Variants in RALGPS2 observed in about 807,000 individuals in gnomAD.
RALGPS2 encodes the protein Ral GEF with PH domain and SH3 binding motif 2, also known as ras-specific guanine nucleotide-releasing factor RalGPS2.
A neutral mutation model predicts 86.8 loss-of-function variants in RALGPS2; 43 were observed. The ratio of observed to expected loss-of-function variants is 0.50; its 90% CI spans 0.39 to 0.64. The LOEUF is 0.64. Among genes scored for constraint, RALGPS2 ranks in the 30% least tolerant of loss-of-function variants. RALGPS2 has a pLI of 0.00. For missense variants in RALGPS2, 536 were observed against 694.6 expected, an observed-to-expected ratio of 0.77 and a Z score of 2.57; for synonymous variants, 243 against 231.3, an observed-to-expected ratio of 1.05 and a Z score of -0.46.
intron 11 of RALGPS2, among the ~76,000 whole-genome samples, chr1:178,883,935 G>C (rs1266723255): frequency 6.6e-6 from 1 of 151,930 alleles, no homozygotes. Context: ...CTTGCAATGA[G>C]CCGAGATCGT....
At chr1:178,897,593 C>A in intron 16 of RALGPS2, 71 bp from the exon 17 acceptor site, 1 of 1,246,370 alleles carries the variant, frequency 8.0e-7, no homozygotes, top group Non-Finnish European at 1.2e-6. Context: ...TGATCATTGG[C>A]ACTTAGAATG....
Position 178,777,423 on chromosome 1 carries a change from C to T in RALGPS2, c.57+602C>T, listed in dbSNP as rs1343427288. The stretch of plus-strand genomic sequence containing the variant: ...CAAACAAATGGAAGAACATTCCATG[C>T]TCATGGGTAGGAAGAATCAATATGG... On this transcript the variant is annotated intron_variant, in intron 2 of 19. Transcript: ENST00000367635. Among the ~76,000 whole-genome samples, 728 of 151,956 alleles carry T rather than the reference C, an allele frequency of 4.8e-3. 3 individuals carry two copies. Among genetic ancestry groups the T allele is most frequent in the South Asian group, 0.012 (57 of 4,796 alleles).
At chr1:178,856,200 G>GATATATATATATATATAT (rs1348083361) in intron 8 of RALGPS2, among the ~76,000 whole-genome samples, 5 of 40,936 alleles carry the variant, frequency 1.2e-4, no homozygotes, top group African/African-American at 3.7e-4. Flanking sequence ...CAGAGAGAGA[G>GATATATATATATATATAT]AGATATATAT....
At chr1:178,894,097 T>A in intron 16 of RALGPS2, 73 bp downstream of exon 16, 1 of 839,944 alleles carries the variant, frequency 1.2e-6, no homozygotes, top group Non-Finnish European at 1.8e-6. Context: ...GTAAAAGTAC[T>A]AAAACAATTA....
intron 8 of RALGPS2, among the ~76,000 whole-genome samples, chr1:178,835,215 CA>C (rs1312506243): frequency 2.0e-5 from 3 of 152,132 alleles, no homozygotes; most frequent in African/African-American, 7.2e-5. Flanking sequence ...GTATGAAGAA[CA>C]TTAGACTGAG....
intron 8 of RALGPS2, chr1:178,853,871 T>C: frequency 8.9e-7 from 1 of 1,121,274 alleles, no homozygotes; most frequent in Non-Finnish European, 1.2e-6. Flanking sequence ...TTTTTACCTT[T>C]GTGTCTTTGT....
rs572987843 is a variant in RALGPS2, at chr1:178,753,989, G to A, written c.-83-22693G>A. 3.9e-5 allele frequency among the ~76,000 whole-genome samples: 6 copies of A among 151,924 alleles called. No individual in the cohort carries two copies. The South Asian group carries it at 1.0e-3, about 26-fold the overall frequency. On this transcript the variant is annotated intron_variant, in intron 1 of 19. Transcript: ENST00000367635. Reference sequence around the variant, plus strand: ...TGGGACTACAGGCGCCCGCCACCACGCCCGGCTAATTTTTAATAGAGACGG... The same window carrying A: ...TGGGACTACAGGCGCCCGCCACCACACCCGGCTAATTTTTAATAGAGACGG...
chr1:178,911,715 T>C (rs1248702401), intron 19 of RALGPS2, among the ~76,000 whole-genome samples: 1 of 152,224 alleles, frequency 6.6e-6, no homozygotes, highest in African/African-American at 2.4e-5. Flanking sequence ...ATTCTGTAGA[T>C]GTCTGTTGGG....
rs891604623 is a variant in RALGPS2 at position 178,746,699 on chromosome 1, C to T, written c.-84+21280C>T. ...TCATGAATATTAGGTATCTGTCAAT[C>T]TTGGCCTTTTTCTTTTTCGTTCATT... is the stretch of plus-strand genomic sequence containing the variant. On this transcript the variant is annotated intron_variant, in intron 1 of 19. Transcript: ENST00000367635. 69 of 774,760 alleles carry T rather than the reference C, an allele frequency of 8.9e-5. No homozygotes were observed. In the Admixed American group the frequency reaches 1.1e-3, roughly 13 times the overall value. 48.0% of individuals were successfully genotyped at this position (774,760 alleles called of 1,614,324 possible).
chr1:178,775,044 A>T (rs1295023823), intron 1 of RALGPS2, among the ~76,000 whole-genome samples: 1 of 152,186 alleles, frequency 6.6e-6, no homozygotes, highest in African/African-American at 2.4e-5. Flanking sequence ...TTTATTTAAG[A>T]GACTCTGTTG....
At chr1:178,747,232 C>T in intron 1 of RALGPS2, 2 of 1,456,430 alleles carry the variant, frequency 1.4e-6, no homozygotes, top group South Asian at 1.1e-5. Context: ...GGTCAGGGTT[C>T]AAGGAGCCAG....
intron 1 of RALGPS2, among the ~76,000 whole-genome samples, chr1:178,775,719 GTGTT>G (rs944271505): frequency 4.6e-5 from 7 of 152,214 alleles, no homozygotes; most frequent in Non-Finnish European, 8.8e-5. Flanking sequence ...CAGAAGCTCT[GTGTT>G]TGTTTGTTAT....
At chr1:178,791,577 G>C (rs1653959213) in intron 4 of RALGPS2, among the ~76,000 whole-genome samples, 1 of 152,170 alleles carries the variant, frequency 6.6e-6, no homozygotes, top group Admixed American at 6.5e-5. Flanking sequence ...TTTAGTTGCA[G>C]ATTGGTGATT....
intron 8 of RALGPS2, among the ~76,000 whole-genome samples, chr1:178,848,939 T>C (rs1471176393): frequency 6.6e-6 from 1 of 152,162 alleles, no homozygotes; most frequent in African/African-American, 2.4e-5. Flanking sequence ...CCGGATATTG[T>C]TTTTAAAACA....
chr1:178,793,603 G>T (rs1654059582), intron 4 of RALGPS2, among the ~76,000 whole-genome samples: 2 of 151,954 alleles, frequency 1.3e-5, no homozygotes, highest in African/African-American at 4.8e-5. Context: ...ACAGATTGGG[G>T]TCTGTCATCC....
chr1:178,848,799 T>C (rs2102284221), intron 8 of RALGPS2, among the ~76,000 whole-genome samples: 1 of 152,252 alleles, frequency 6.6e-6, no homozygotes, highest in Non-Finnish European at 1.5e-5. Context: ...CTGGCTAATT[T>C]TTGTGTTTTC....
chr1:178,897,836 C>A, intron 17 of RALGPS2, 80 bp downstream of exon 17: 1 of 1,220,722 alleles, frequency 8.2e-7, no homozygotes, highest in African/African-American at 1.5e-5. Flanking sequence ...TAATGGGATA[C>A]AAAGGTTTTT....
chr1:178,886,137 T>C lies in RALGPS2; in HGVS notation c.1192+17T>C, dbSNP rs1659472187. The C allele has an allele frequency of 6.2e-7, 1 of 1,601,618 alleles. No homozygotes were observed. On this transcript the variant is annotated intron_variant, in intron 13 of 19. Transcript: ENST00000367635. Reference sequence around the variant, plus strand: ...TATCAATAGGTGAGAAATACTTCTCTGAGAGGGTTGCAATTTAACTTTAAA... The same window carrying C: ...TATCAATAGGTGAGAAATACTTCTCCGAGAGGGTTGCAATTTAACTTTAAA...
chr1:178,909,794 C>T (rs1427737705), intron 19 of RALGPS2, among the ~76,000 whole-genome samples: 1 of 151,614 alleles, frequency 6.6e-6, no homozygotes, highest in African/African-American at 2.4e-5. Flanking sequence ...GGAGTACAGG[C>T]GTATGCCACC....
Sources: allele counts gnomAD v4.1 joint callset (sites outside exome capture counted in the v4.1 genomes callset), GRCh38; gene constraint gnomAD v4.1.1; transcripts MANE v1.5; gene names NCBI Gene and HGNC (gene_info 2026-07-23, HGNC 2026-07-21).